Variants in MRPS14 observed in about 807,000 individuals in gnomAD.
The protein encoded by MRPS14 is mitochondrial ribosomal protein S14.
In MRPS14, 14 loss-of-function variants were observed where a neutral mutation model predicts 16.4. The observed-to-expected ratio is 0.85, with a 90% CI of 0.56 to 1.33. The LOEUF is 1.33. Ranked by LOEUF, MRPS14 falls within the 40% of genes most tolerant of loss-of-function variation. The pLI, the probability that MRPS14 is intolerant of heterozygous loss-of-function variation, is 0.00. For synonymous variants in MRPS14, 54 were observed against 61.9 expected, an observed-to-expected ratio of 0.87 and a Z score of 0.60; for missense variants, 162 against 176.8, an observed-to-expected ratio of 0.92 and a Z score of 0.48.
chr1:175,022,658 A>G (rs1402616100), intron 1 of MRPS14: 1 of 152,014 alleles, frequency 6.6e-6, no homozygotes. Flanking sequence ...TTACTACAGG[A>G]TCTTTCCCTT....
chr1:175,016,772 C>T (rs1231560858), intron 2 of MRPS14, among the ~76,000 whole-genome samples: 1 of 151,034 alleles, frequency 6.6e-6, no homozygotes, highest in Admixed American at 6.6e-5. Context: ...CATCCTTCAC[C>T]TCACAAAATT....
intron 2 of MRPS14, 120 bp from the exon 3 acceptor site, chr1:175,014,971 CT>C: frequency 1.0e-6 from 1 of 958,612 alleles, no homozygotes; most frequent in Non-Finnish European, 1.5e-6. Flanking sequence ...GAGTCTCGCT[CT>C]GTCACCCAGG....
chr1:175,021,151 T>C (rs1672972136), intron 1 of MRPS14, among the ~76,000 whole-genome samples: 1 of 152,188 alleles, frequency 6.6e-6, no homozygotes, highest in Non-Finnish European at 1.5e-5. Flanking sequence ...CTTCGAGTTC[T>C]CCTTCCTTCC....
intron 2 of MRPS14, among the ~76,000 whole-genome samples, chr1:175,015,915 T>C (rs1672873588): frequency 6.6e-6 from 1 of 152,160 alleles, no homozygotes. Flanking sequence ...AACAACATGA[T>C]TGCCAGGCAC....
intron 2 of MRPS14, among the ~76,000 whole-genome samples, chr1:175,015,749 A>C (rs10489330): frequency 6.6e-6 from 1 of 152,140 alleles, no homozygotes; most frequent in Non-Finnish European, 1.5e-5. Context: ...CTTTAATCTG[A>C]TAAGTGTGCT....
rs776269168 is a variant in MRPS14 at position 175,023,224 on chromosome 1, C to A, written c.45+140G>T. 4.5e-6 allele frequency: 7 copies of A among 1,545,228 alleles called. No individual in the cohort carries two copies. In the African/African-American group the frequency reaches 6.9e-5, roughly 15 times the overall value. ...CAGCTCGGACCTCCCCTGAACCAAG[C>A]CCAAGCGCGGAAGAGGGCGGAAGGA... On this transcript the variant is annotated intron_variant, in intron 1 of 2. Transcript: ENST00000476371.
At position 175,023,405 on chromosome 1, in the gene MRPS14, C is replaced by G; in HGVS notation, c.4G>C (p.Ala2Pro). The G allele has an allele frequency of 6.2e-7, 1 of 1,614,170 alleles. No individual in the cohort carries two copies. The highest frequency in any genetic ancestry group is 1.1e-5 in the South Asian group (1 of 91,076). ...AGCAGCGAGCCCAGCATGAAGGCCG[C>G]CATGTTGTCCGCTACAAACTACAAA... MAAFMLGSLLRT... is the reference protein window; with the variant it reads MPAFMLGSLLRT... The change falls in exon 1 of 3, where the codon GCG becomes CCG. Residue 2 changes from alanine to proline, a missense_variant. By Grantham distance (27) the Ala-to-Pro change is conservative (BLOSUM62 -1). Transcript: ENST00000476371.
At chr1:175,017,494 T>C (rs1672904096) in intron 2 of MRPS14, among the ~76,000 whole-genome samples, 1 of 152,222 alleles carries the variant, frequency 6.6e-6, no homozygotes, top group Non-Finnish European at 1.5e-5. Flanking sequence ...ATAAATAGGA[T>C]GTATATCATT....
chr1:175,015,912 T>G (rs1329026736), intron 2 of MRPS14, among the ~76,000 whole-genome samples: 1 of 152,102 alleles, frequency 6.6e-6, no homozygotes, highest in African/African-American at 2.4e-5. Context: ...TAAAACAACA[T>G]GATTGCCAGG....
chr1:175,022,218 T>C (rs1044978655), intron 1 of MRPS14, among the ~76,000 whole-genome samples: 10 of 152,198 alleles, frequency 6.6e-5, no homozygotes, highest in Non-Finnish European at 1.5e-5. Flanking sequence ...GTCATTGTTA[T>C]ATTGATTCTA....
chr1:175,015,483 G>A lies in MRPS14; in HGVS notation c.205-632C>T, dbSNP rs527488906. Reference sequence around the variant, plus strand: ...GAATGTGGCTTGAGATAAGACTAGAGAAGGAGGAAGGAGAGTATCACATGG... The same window carrying A: ...GAATGTGGCTTGAGATAAGACTAGAAAAGGAGGAAGGAGAGTATCACATGG... On this transcript the variant is annotated intron_variant, in intron 2 of 2. Coordinates refer to ENST00000476371, the MANE Select transcript of MRPS14 (RefSeq NM_022100.3). 3.3e-5 allele frequency among the ~76,000 whole-genome samples: 5 copies of A among 152,312 alleles called. No homozygotes were observed. In the East Asian group the frequency reaches 9.6e-4, roughly 29 times the overall value.
chr1:175,020,377 G>A (rs1672959458), intron 1 of MRPS14, among the ~76,000 whole-genome samples: 1 of 152,166 alleles, frequency 6.6e-6, no homozygotes, highest in Admixed American at 6.5e-5. Context: ...ACAAGATTAA[G>A]CATTTCTTCT....
intron 2 of MRPS14, among the ~76,000 whole-genome samples, chr1:175,015,923 C>CA (rs1422677518): frequency 6.6e-6 from 1 of 152,200 alleles, no homozygotes; most frequent in African/African-American, 2.4e-5. Flanking sequence ...GATTGCCAGG[C>CA]ACAGTGGCTC....
intron 1 of MRPS14, among the ~76,000 whole-genome samples, chr1:175,019,778 G>A (rs1558331238): frequency 6.6e-6 from 1 of 152,166 alleles, no homozygotes; most frequent in Non-Finnish European, 1.5e-5. Context: ...TAGATCACAA[G>A]AAACGATAAG....
At chr1:175,014,933 CTTTTCTTTTT>C (rs1672853045) in intron 2 of MRPS14, 82 bp from the exon 3 acceptor site, 3 of 768,708 alleles carry the variant, frequency 3.9e-6, no homozygotes, top group South Asian at 2.2e-5. Flanking sequence ...AGGTAATTTT[CTTTTCTTTTT>C]TTTTTTTTTT....
intron 2 of MRPS14, among the ~76,000 whole-genome samples, chr1:175,016,284 G>A (rs1023606159): frequency 2.6e-5 from 4 of 152,122 alleles, no homozygotes; most frequent in Admixed American, 1.3e-4. Context: ...AGAAATGACT[G>A]GGCAAGAAGA....
chr1:175,017,256 G>A (rs536875051), intron 2 of MRPS14, among the ~76,000 whole-genome samples: 2 of 152,178 alleles, frequency 1.3e-5, no homozygotes, highest in East Asian at 3.9e-4. Context: ...GGTTTGGCCA[G>A]GTTGGTCTTG....
In MRPS14 at chr1:175,014,577, A is replaced by C; in HGVS notation, c.*92T>G. The stretch of plus-strand genomic sequence containing the variant: ...CCAAACAACTGTACTGGGCCCCTGT[A>C]GAGATTAGGGTTTGGTCTATTAAAA... On this transcript the variant is annotated 3_prime_UTR_variant, in exon 3 of 3. Transcript: ENST00000476371. 8.3e-6 allele frequency: 11 copies of C among 1,324,714 alleles called. No individual in the cohort carries two copies. Among genetic ancestry groups the C allele is most frequent in the South Asian group, 1.5e-5 (1 of 68,954 alleles). The allele number at this position is 1,324,714 out of a possible 1,614,324, so 82.1% of individuals were successfully genotyped here.
chr1:175,023,418 T>A lies in MRPS14; in HGVS notation c.-10A>T, dbSNP rs1673018067. The A allele has an allele frequency of 6.2e-7, 1 of 1,613,834 alleles. No individual in the cohort carries two copies. Among genetic ancestry groups the A allele is most frequent in the Non-Finnish European group, 8.5e-7 (1 of 1,179,960 alleles). On this transcript the variant is annotated 5_prime_UTR_variant, in exon 1 of 3. Transcript: ENST00000476371. Reference sequence around the variant, plus strand: ...GCATGAAGGCCGCCATGTTGTCCGCTACAAACTACAAACCGCTGAAACTTT... The same window carrying A: ...GCATGAAGGCCGCCATGTTGTCCGCAACAAACTACAAACCGCTGAAACTTT...
Sources: gnomAD v4.1 joint callset for allele counts (sites outside exome capture counted in the v4.1 genomes callset) on GRCh38, gnomAD v4.1.1 for gene constraint, MANE v1.5 for transcripts, NCBI Gene and HGNC (gene_info 2026-07-23, HGNC 2026-07-21) for gene names.